BPIFA2: variants seen among roughly 807,000 people sequenced by gnomAD.
BPIFA2 encodes the protein BPI fold containing family A member 2, also known as BPI fold-containing family A member 2.
In BPIFA2, 20 loss-of-function variants were observed where a neutral mutation model predicts 25.7. The observed-to-expected ratio is 0.78, with a 90% CI of 0.55 to 1.13. The LOEUF is 1.13. Ranked by LOEUF, BPIFA2 falls within the 50% of genes most tolerant of loss-of-function variation. BPIFA2 has a pLI of 0.00. For synonymous variants in BPIFA2, 126 were observed against 124.3 expected, an observed-to-expected ratio of 1.01 and a Z score of -0.09; for missense variants, 300 against 298.1, an observed-to-expected ratio of 1.01 and a Z score of -0.05.
intron 5 of BPIFA2, among the ~76,000 whole-genome samples, chr20:33,176,499 A>C (rs2146455998): frequency 6.6e-6 from 1 of 152,254 alleles, no homozygotes; most frequent in Middle Eastern, 3.4e-3. Context: ...TTGCTCAAAG[A>C]CCCCTGAAAA....
Position 33,172,311 on chromosome 20 carries a change from C to T in BPIFA2, c.158-621C>T, listed in dbSNP as rs561538741. Among the ~76,000 whole-genome samples the T allele has an allele frequency of 1.8e-4, 28 of 152,082 alleles. No individual in the cohort carries two copies. In the Middle Eastern group the frequency reaches 0.014, roughly 74 times the overall value. ...CAGGTGGGGCTTAAAACCTAGATGA[C>T]GGGTTGATAGGTGCGGCAAACTACC... On this transcript the variant is annotated intron_variant, in intron 2 of 8. Coordinates refer to ENST00000354932, the MANE Select transcript of BPIFA2 (RefSeq NM_080574.4).
intron 6 of BPIFA2, 55 bp from the exon 7 acceptor site, chr20:33,179,549 G>A: frequency 2.8e-6 from 4 of 1,439,820 alleles, no homozygotes; most frequent in South Asian, 1.1e-5. Context: ...TGAGAAGAAT[G>A]ATCTGTTCTT....
chr20:33,176,585 T>A (rs575276157), intron 5 of BPIFA2, among the ~76,000 whole-genome samples: 1 of 152,174 alleles, frequency 6.6e-6, no homozygotes, highest in Middle Eastern at 3.2e-3. Flanking sequence ...CCTGGCTGGG[T>A]GCTATCTTCC....
intron 1 of BPIFA2, among the ~76,000 whole-genome samples, chr20:33,168,793 C>T (rs1983801955): frequency 6.6e-6 from 1 of 152,118 alleles, no homozygotes; most frequent in Admixed American, 6.5e-5. Context: ...CTACAGTAGG[C>T]TTCACAGAGG....
chr20:33,171,509 G>A lies in BPIFA2; in HGVS notation c.158-1423G>A, dbSNP rs147490619. 4.1e-3 allele frequency among the ~76,000 whole-genome samples: 616 copies of A among 151,982 alleles called. 5 individuals carry two copies. Among genetic ancestry groups the A allele is most frequent in the African/African-American group, 0.014 (582 of 41,460 alleles). On this transcript the variant is annotated intron_variant, in intron 2 of 8. Coordinates refer to ENST00000354932, the MANE Select transcript of BPIFA2 (RefSeq NM_080574.4). ...TCTATCTGACAAAGGTCTAATATCCGGAATCTACAAGGAACTTAAACAAAT... is the reference window on the plus strand; with the variant it reads ...TCTATCTGACAAAGGTCTAATATCCAGAATCTACAAGGAACTTAAACAAAT...
At position 33,172,973 on chromosome 20, in the gene BPIFA2, A is replaced by C. The variant is rs369296499; in HGVS notation, c.199A>C (p.Lys67Gln). The change falls in exon 3 of 9, where the codon AAA becomes CAA. Residue 67 changes from lysine (K) to glutamine (Q), a missense_variant. Transcript: ENST00000354932. ...KLKVDLGVLQ[K>Q]SSAWQLAKQK... ...GAAGGTCGACCTAGGAGTGCTTCAG[A>C]AATCCAGTGCTTGGCAACTGGCCAA... The C allele has an allele frequency of 3.7e-6, 6 of 1,613,962 alleles. No homozygotes were observed. The African/African-American group carries it at 5.3e-5, about 14-fold the overall frequency.
Position 33,180,594 on chromosome 20 carries a change from G to T in BPIFA2, c.*34G>T. 6.2e-7 allele frequency: 1 copy of T among 1,600,194 alleles called. No individual in the cohort carries two copies. The highest frequency in any genetic ancestry group is 8.6e-7 in the Non-Finnish European group (1 of 1,167,390). ...AATGAGGAGGACCACTGTGGTGCAT[G>T]CTGGTGAGGAGCCAGTCTCTGTGCC... is the stretch of plus-strand genomic sequence containing the variant. On this transcript the variant is annotated 3_prime_UTR_variant, in exon 8 of 9. Coordinates refer to ENST00000354932, the MANE Select transcript of BPIFA2 (RefSeq NM_080574.4).
At chr20:33,161,932 A>C (rs1198241292) in intron 1 of BPIFA2, 1 of 152,194 alleles carries the variant, frequency 6.6e-6, no homozygotes, top group Non-Finnish European at 1.5e-5. Flanking sequence ...AAGTCCTTCG[A>C]GGGTCCCGGA....
At chr20:33,168,398 C>G (rs1983789545) in intron 1 of BPIFA2, among the ~76,000 whole-genome samples, 189 bp downstream of exon 1, 1 of 152,160 alleles carries the variant, frequency 6.6e-6, no homozygotes. Context: ...TTCCATTTCC[C>G]TCTGGGCAAT....
rs751378811 is a variant in BPIFA2 at position 33,173,082 on chromosome 20, T to C, written c.302+6T>C. The C allele has an allele frequency of 2.5e-6, 4 of 1,613,378 alleles. No homozygotes were observed. The highest frequency in any genetic ancestry group is 3.4e-6 in the Non-Finnish European group (4 of 1,179,672). ...ACTAACACGGACATTTTTGGGTGAG[T>C]TGGTCCTTCAGGGTGGAGATCTTTG... On this transcript the variant is annotated splice_donor_region_variant and intron_variant, in intron 3 of 8. Coordinates refer to ENST00000354932, the MANE Select transcript of BPIFA2 (RefSeq NM_080574.4).
At chr20:33,165,538 G>T (rs1273841996), upstream of BPIFA2, among the ~76,000 whole-genome samples, 1 of 152,158 alleles carries the variant, frequency 6.6e-6, no homozygotes, top group Non-Finnish European at 1.5e-5. Context: ...GCTTTCTCTG[G>T]TCTCAGTAGG....
At chr20:33,168,737 A>G (rs1983800213) in intron 1 of BPIFA2, among the ~76,000 whole-genome samples, 1 of 152,200 alleles carries the variant, frequency 6.6e-6, no homozygotes, top group Non-Finnish European at 1.5e-5. Context: ...CAGGATAATG[A>G]AGGCAGCAAG....
At chr20:33,163,540 C>T (rs1769988497), upstream of BPIFA2, among the ~76,000 whole-genome samples, 1 of 152,112 alleles carries the variant, frequency 6.6e-6, no homozygotes, top group African/African-American at 2.4e-5. Flanking sequence ...AATGGCAGTG[C>T]TGCCGGGCAC....
At chr20:33,168,605 G>A (rs538802243) in intron 1 of BPIFA2, among the ~76,000 whole-genome samples, 1 of 152,322 alleles carries the variant, frequency 6.6e-6, no homozygotes, top group Non-Finnish European at 1.5e-5. Context: ...ACTAGGTGCA[G>A]GCTTTTTACT....
chr20:33,163,640 G>C (rs1260739584), upstream of BPIFA2, among the ~76,000 whole-genome samples: 1 of 152,132 alleles, frequency 6.6e-6, no homozygotes, highest in Non-Finnish European at 1.5e-5. Context: ...CTGGCCAAAA[G>C]GTAAAACCCC....
At chr20:33,164,842 T>G (rs922331269), upstream of BPIFA2, among the ~76,000 whole-genome samples, 1 of 152,236 alleles carries the variant, frequency 6.6e-6, no homozygotes, top group Non-Finnish European at 1.5e-5. Context: ...TGAAAACTCC[T>G]TTAAATTTTC....
In BPIFA2 at chr20:33,174,701, A is replaced by G. The variant is rs1984015079; in HGVS notation, c.410+515A>G. On this transcript the variant is annotated intron_variant, in intron 4 of 8. Coordinates refer to ENST00000354932, the MANE Select transcript of BPIFA2 (RefSeq NM_080574.4). ...TGAGGTGGGAGGATTGCTTGAGCTC[A>G]GGAGTTCGTGACCAGCCAGGACAAT... Among the ~76,000 whole-genome samples, 3 of 152,142 alleles carry G rather than the reference A, an allele frequency of 2.0e-5. No individual in the cohort carries two copies. The South Asian group carries it at 6.2e-4, about 32-fold the overall frequency.
At chr20:33,172,001 A>G (rs1320091981) in intron 2 of BPIFA2, among the ~76,000 whole-genome samples, 5 of 152,232 alleles carry the variant, frequency 3.3e-5, no homozygotes, top group African/African-American at 9.6e-5. Flanking sequence ...ATGCCCATCA[A>G]TGATAGACTG....
chr20:33,172,408 A>T (rs201661432), intron 2 of BPIFA2, among the ~76,000 whole-genome samples: 1 of 150,174 alleles, frequency 6.7e-6, no homozygotes, highest in African/African-American at 2.5e-5. Context: ...AGTTAAAAAA[A>T]AAAAATTATT....
Sources: gnomAD v4.1 joint callset for allele counts (sites outside exome capture counted in the v4.1 genomes callset) on GRCh38, gnomAD v4.1.1 for gene constraint, MANE v1.5 for transcripts, NCBI Gene and HGNC (gene_info 2026-07-23, HGNC 2026-07-21) for gene names.